The following CMTM1 variants were observed in gnomAD, a reference collection of about 807,000 sequenced individuals.
CMTM1 encodes the protein CKLF like MARVEL transmembrane domain containing 1, also known as CKLF-like MARVEL transmembrane domain-containing protein 1.
A neutral mutation model predicts 17.8 loss-of-function variants in CMTM1; 16 were observed. The observed-to-expected ratio is 0.90, with a 90% CI of 0.61 to 1.37. CMTM1 has a LOEUF of 1.37. CMTM1 is among the 40% of genes most tolerant of loss of function. The pLI, the probability that CMTM1 is intolerant of heterozygous loss-of-function variation, is 0.00. For missense variants in CMTM1, 354 were observed against 375.6 expected (o/e 0.94, Z 0.47); for synonymous variants, 169 against 154.6 (o/e 1.09, Z -0.69).
chr16:66,569,775 T>A (rs972056066), intron 1 of CMTM1, among the ~76,000 whole-genome samples, 161 bp from the exon 2 acceptor site: 6 of 150,916 alleles, frequency 4.0e-5, no homozygotes, highest in African/African-American at 1.5e-4. Context: ...GCTTTTTTTA[T>A]TATTTTCATG....
intron 2 of CMTM1, chr16:66,575,056 A>C (rs1442406439): frequency 2.0e-6 from 2 of 985,314 alleles, no homozygotes; most frequent in East Asian, 1.1e-4. Context: ...TCCAACCTCC[A>C]CCAGCCCTGC....
chr16:66,571,722 G>A (rs2013571869), intron 2 of CMTM1, among the ~76,000 whole-genome samples: 1 of 152,158 alleles, frequency 6.6e-6, no homozygotes, highest in Admixed American at 6.5e-5. Flanking sequence ...GTGACTGATG[G>A]CTCCACAGCA....
chr16:66,573,067 C>A (rs1415186144), intron 2 of CMTM1, among the ~76,000 whole-genome samples: 3 of 152,098 alleles, frequency 2.0e-5, no homozygotes, highest in African/African-American at 7.2e-5. Flanking sequence ...GTGCCAGGGA[C>A]CCTGACACCA....
intron 3 of CMTM1, 52 bp downstream of exon 3, chr16:66,577,254 A>G (rs751317102): frequency 1.7e-5 from 25 of 1,507,964 alleles, no homozygotes; most frequent in East Asian, 2.3e-5. Context: ...CAAGACTTTG[A>G]AAAGGGAAAT....
At chr16:66,568,015 C>T (rs1426940534) in intron 1 of CMTM1, among the ~76,000 whole-genome samples, 1 of 152,154 alleles carries the variant, frequency 6.6e-6, no homozygotes, top group Non-Finnish European at 1.5e-5. Flanking sequence ...TCTTTCAAGC[C>T]TTCATGGGAT....
At position 66,574,014 on chromosome 16, in the gene CMTM1, GT is replaced by G. The variant is rs149161047; in HGVS notation, c.592-3078del. On this transcript the variant is annotated intron_variant, in intron 2 of 3. Transcript: ENST00000379500. The stretch of plus-strand genomic sequence containing the variant: ...TTTAACTTTTTTCCTAATATTCAGT[GT>G]TTTTTTTTTTTAATAATAAGCACTC... 4.1e-3 allele frequency among the ~76,000 whole-genome samples: 578 copies of G among 140,606 alleles called. 2 individuals are homozygous for G. Among genetic ancestry groups the G allele is most frequent in the Admixed American group, 8.3e-3 (117 of 14,086 alleles). The allele number at this position is 140,606 out of a possible 152,430, so 92.2% of individuals were successfully genotyped here. A position where few individuals can be genotyped will look rare whatever the true frequency, so the allele number is the denominator to read the frequency against.
In CMTM1 at chr16:66,578,956, C is replaced by G; in HGVS notation, c.816C>G (p.Asp272Glu). 1.2e-6 allele frequency: 2 copies of G among 1,614,102 alleles called. No homozygotes were observed. The highest frequency in any genetic ancestry group is 1.7e-6 in the Non-Finnish European group (2 of 1,180,030). The change falls in exon 4 of 4, where the codon GAC (aspartate) becomes GAG (glutamate). Residue 272 changes from aspartate (D) to glutamate (E), a missense_variant. Transcript: ENST00000379500. Reference sequence around the variant, plus strand: ...AAAGGAAGCTTTCCCCCGCCAAGGACGCCTACCCCGAAACCGGCCCCGACG... The same window carrying G: ...AAAGGAAGCTTTCCCCCGCCAAGGAGGCCTACCCCGAAACCGGCCCCGACG... ...EVERKLSPAK[D>E]AYPETGPDAP...
chr16:66,567,318 C>A, intron 1 of CMTM1: 1 of 338,496 alleles, frequency 3.0e-6, no homozygotes. Flanking sequence ...GTCCCCCACT[C>A]CCTACAGGCC....
chr16:66,577,665 C>T lies in CMTM1; in HGVS notation c.690+463C>T, dbSNP rs117011152. 4.3e-4 allele frequency among the ~76,000 whole-genome samples: 66 copies of T among 152,210 alleles called. 1 individual carries two copies. In the East Asian group the frequency reaches 0.012, roughly 27 times the overall value. On this transcript the variant is annotated intron_variant, in intron 3 of 3. Coordinates refer to ENST00000379500, the MANE Select transcript of CMTM1 (RefSeq NM_052999.4). Reference sequence around the variant, plus strand: ...GGAAACTGCCACATGTTGAAGTGCCCAGTATATGCCCTGCACCAAGCAGGG... The same window carrying T: ...GGAAACTGCCACATGTTGAAGTGCCTAGTATATGCCCTGCACCAAGCAGGG...
chr16:66,567,154 C>CTTTTTTTTTTTTT (rs58132277), intron 1 of CMTM1: 4 of 476,268 alleles, frequency 8.4e-6, no homozygotes, highest in Admixed American at 3.6e-5. Flanking sequence ...CCTATTTTTT[C>CTTTTTTTTTTTTT]TTTTTTTTTT....
rs1597142577 is a variant in CMTM1 at position 66,566,609 on chromosome 16, C to T, written c.96C>T (p.Ser32=). 5.6e-6 allele frequency: 9 copies of T among 1,614,032 alleles called. No individual in the cohort carries two copies. Among genetic ancestry groups the T allele is most frequent in the Non-Finnish European group, 6.8e-6 (8 of 1,179,994 alleles). The change falls in exon 1 of 4, where the codon AGC becomes AGT. Residue 32 remains serine, a synonymous_variant. Coordinates refer to ENST00000379500, the MANE Select transcript of CMTM1 (RefSeq NM_052999.4). The surrounding 1 kb of genome is among the most constrained non-coding windows in gnomAD (Gnocchi z 4.9). The part of the protein sequence containing the change: ...ETAAALASSG[S]VVSSVPKAQR... ...CCGCAGCCCTGGCAAGTAGCGGCAG[C>T]GTAGTGAGTTCTGTACCCAAGGCAC...
At chr16:66,567,081 C>G in intron 1 of CMTM1, 136 bp downstream of exon 1, 1 of 842,430 alleles carries the variant, frequency 1.2e-6, no homozygotes, top group Non-Finnish European at 2.0e-6. Context: ...CTCACCTTTC[C>G]TCCCCACCAC....
chr16:66,574,940 G>T, intron 2 of CMTM1: 1 of 985,198 alleles, frequency 1.0e-6, no homozygotes, highest in Non-Finnish European at 1.2e-6. Flanking sequence ...CAATCCTCAG[G>T]TGTAAGCTTC....
intron 2 of CMTM1, among the ~76,000 whole-genome samples, chr16:66,573,732 G>A (rs1164150996): frequency 6.9e-6 from 1 of 145,754 alleles, no homozygotes; most frequent in African/African-American, 2.5e-5. Context: ...TGTTGCCCAG[G>A]CTGGAATGCG....
At chr16:66,574,546 G>C (rs2013987928) in intron 2 of CMTM1, among the ~76,000 whole-genome samples, 1 of 152,228 alleles carries the variant, frequency 6.6e-6, no homozygotes, top group East Asian at 1.9e-4. Flanking sequence ...ATAAATGTGA[G>C]CTAGCTACAA....
chr16:66,576,470 G>A (rs1300298658), intron 2 of CMTM1, among the ~76,000 whole-genome samples: 2 of 151,812 alleles, frequency 1.3e-5, no homozygotes, highest in Non-Finnish European at 2.9e-5. Context: ...GCCTGCAGAT[G>A]TCGGGGCACA....
At chr16:66,578,489 T>C (rs1046778333) in intron 3 of CMTM1, among the ~76,000 whole-genome samples, 2 of 152,108 alleles carry the variant, frequency 1.3e-5, no homozygotes, top group Non-Finnish European at 2.9e-5. Context: ...TTTGCAAACA[T>C]AGCCCAAAAG....
chr16:66,579,035 T>C lies in CMTM1; in HGVS notation c.*34T>C, dbSNP rs1299486097. The C allele has an allele frequency of 6.2e-7, 1 of 1,604,446 alleles. No individual in the cohort carries two copies. The highest frequency in any genetic ancestry group is 8.5e-7 in the Non-Finnish European group (1 of 1,176,282). ...CGGCGCCCTAGCAGATGCACGTGTC[T>C]GTCGAATCGCTGCCTCCGAGCCCAC... On this transcript the variant is annotated 3_prime_UTR_variant, in exon 4 of 4. Transcript: ENST00000379500. This position sits in a 1 kb window ranked among gnomAD's most constrained non-coding sequence, Gnocchi z 6.5.
At position 66,566,596 on chromosome 16, in the gene CMTM1, C is replaced by G; in HGVS notation, c.83C>G (p.Ala28Gly). Reference protein sequence around the residue: ...LKQPETAAALASSGSVVSSVP... With the variant: ...LKQPETAAALGSSGSVVSSVP... ...CAACCGGAGACTGCCGCAGCCCTGG[C>G]AAGTAGCGGCAGCGTAGTGAGTTCT... The change falls in exon 1 of 4, where the codon GCA becomes GGA. Residue 28 changes from alanine to glycine, a missense_variant. Physicochemically the swap from Ala to Gly is moderately conservative, Grantham distance 60. Coordinates refer to ENST00000379500, the MANE Select transcript of CMTM1 (RefSeq NM_052999.4). The surrounding 1 kb of genome is among the most constrained non-coding windows in gnomAD (Gnocchi z 4.9). 6.2e-7 allele frequency: 1 copy of G among 1,614,032 alleles called. No homozygotes were observed. The highest frequency in any genetic ancestry group is 8.5e-7 in the Non-Finnish European group (1 of 1,179,956).
Sources: allele counts gnomAD v4.1 joint callset (sites outside exome capture counted in the v4.1 genomes callset), GRCh38; gene constraint gnomAD v4.1.1; non-coding constraint Gnocchi (gnomAD v3.1); transcripts MANE v1.5; gene names NCBI Gene and HGNC (gene_info 2026-07-23, HGNC 2026-07-21).